ZFHX3: variants seen among roughly 807,000 people sequenced by gnomAD.
ZFHX3 encodes the protein zinc finger homeobox protein 3.
A neutral mutation model predicts 279.1 loss-of-function variants in ZFHX3; 42 were observed. That is an observed-to-expected ratio of 0.15 (90% CI 0.12 to 0.19). ZFHX3 has a LOEUF of 0.19. Ranked by LOEUF, ZFHX3 falls within the 10% of genes least tolerant of loss-of-function variation. The pLI is 1.00. For synonymous variants in ZFHX3, 2,293 were observed against 1,957.8 expected (o/e 1.17, Z -4.52); for missense variants, 4,981 against 4,754.0 (o/e 1.05, Z -1.40).
At chr16:73,593,226 C>A (rs757607019) in intron 2 of ZFHX3, among the ~76,000 whole-genome samples, 2 of 151,982 alleles carry the variant, frequency 1.3e-5, no homozygotes, top group Non-Finnish European at 2.9e-5. Flanking sequence ...ATTACTCAAA[C>A]TATTCTGAAG....
chr16:72,854,282 G>A (rs1360417515), intron 4 of ZFHX3, among the ~76,000 whole-genome samples: 4 of 152,158 alleles, frequency 2.6e-5, no homozygotes, highest in Non-Finnish European at 5.9e-5. Flanking sequence ...TTGAGGATTC[G>A]AGACAGTGGT....
At chr16:73,144,304 A>T (rs1158111424) in intron 5 of ZFHX3, 1 of 153,452 alleles carries the variant, frequency 6.5e-6, no homozygotes, top group East Asian at 1.9e-4. Context: ...ACTACTGAAC[A>T]CTTGCCTCGT....
chr16:73,109,555 GTATTTTTTT>G (rs1314101100), intron 7 of ZFHX3, among the ~76,000 whole-genome samples: 2 of 144,948 alleles, frequency 1.4e-5, no homozygotes, highest in Non-Finnish European at 3.1e-5. Context: ...GAAGCATTCC[GTATTTTTTT>G]TGTTTAAAAA....
intron 7 of ZFHX3, among the ~76,000 whole-genome samples, chr16:72,802,061 T>C (rs752637994): frequency 6.6e-6 from 1 of 152,016 alleles, no homozygotes; most frequent in Non-Finnish European, 1.5e-5. Context: ...TAAAATTATC[T>C]AACACCTCAG....
intron 1 of ZFHX3, among the ~76,000 whole-genome samples, chr16:73,027,656 T>G (rs1964560562): frequency 1.3e-5 from 2 of 152,008 alleles, no homozygotes; most frequent in Non-Finnish European, 2.9e-5. Flanking sequence ...CCCTCTATCC[T>G]CCCCACTGCC....
At chr16:73,376,319 C>T (rs888278095) in intron 3 of ZFHX3, among the ~76,000 whole-genome samples, 12 of 152,228 alleles carry the variant, frequency 7.9e-5, no homozygotes, top group South Asian at 4.1e-4. Flanking sequence ...AGGTCATTAC[C>T]GACTTGTTAC....
Position 72,785,949 on chromosome 16 carries a change from G to C in ZFHX3, c.*1215C>G, listed in dbSNP as rs1005677686. On this transcript the variant is annotated 3_prime_UTR_variant, in exon 10 of 10. Coordinates refer to ENST00000268489, the MANE Select transcript of ZFHX3 (RefSeq NM_006885.4). ...AAAAATAATCTGTGAGGATCCTAAT[G>C]ACCCCTAGAATCCCTTGAAATTCTT... 2 of 152,132 alleles carry C rather than the reference G, an allele frequency of 1.3e-5. No homozygotes were observed. Among genetic ancestry groups the C allele is most frequent in the Non-Finnish European group, 2.9e-5 (2 of 68,026 alleles). 9.4% of individuals were successfully genotyped at this position (152,132 alleles called of 1,614,324 possible). A position where few individuals can be genotyped will look rare whatever the true frequency, so the allele number is the denominator to read the frequency against.
chr16:73,878,775 T>C (rs2030039475), intron 1 of ZFHX3, among the ~76,000 whole-genome samples: 1 of 151,608 alleles, frequency 6.6e-6, no homozygotes, highest in Non-Finnish European at 1.5e-5. Context: ...AAAAATTAAG[T>C]CTTATTGGTT....
intron 4 of ZFHX3, among the ~76,000 whole-genome samples, chr16:72,868,492 G>T (rs55797313): frequency 0.33 from 49,615 of 151,996 alleles, 8,793 homozygotes; most frequent in South Asian, 0.49. Context: ...CTTCCACTGG[G>T]GAGCCAGTCT....
chr16:72,784,290 A>C lies in ZFHX3; in HGVS notation c.*2874T>G, dbSNP rs1262176943. Reference sequence around the variant, plus strand: ...AAAAACAAAAACAAAAACCCAAACCATCAGGGAGGGGGCAGCAAAATTATA... The same window carrying C: ...AAAAACAAAAACAAAAACCCAAACCCTCAGGGAGGGGGCAGCAAAATTATA... On this transcript the variant is annotated 3_prime_UTR_variant, in exon 10 of 10. Coordinates refer to ENST00000268489, the MANE Select transcript of ZFHX3 (RefSeq NM_006885.4). The C allele has an allele frequency of 6.6e-6, 1 of 152,046 alleles. No individual in the cohort carries two copies. The highest frequency in any genetic ancestry group is 1.5e-5 in the Non-Finnish European group (1 of 68,038). 9.4% of individuals were successfully genotyped at this position (152,046 alleles called of 1,614,324 possible). A position where few individuals can be genotyped will look rare whatever the true frequency, so the allele number is the denominator to read the frequency against.
At chr16:73,648,958 A>G (rs966795985) in intron 2 of ZFHX3, among the ~76,000 whole-genome samples, 20 of 152,326 alleles carry the variant, frequency 1.3e-4, no homozygotes, top group Admixed American at 6.5e-4. Context: ...TTTAAGTGCT[A>G]TGTTAAAAAG....
At chr16:72,814,453 C>T (rs2036548298) in intron 5 of ZFHX3, among the ~76,000 whole-genome samples, 1 of 152,192 alleles carries the variant, frequency 6.6e-6, no homozygotes, top group Non-Finnish European at 1.5e-5. Flanking sequence ...AAAGCAAACA[C>T]AGTAACCCAG....
rs115626580 is a variant in ZFHX3, at chr16:72,886,390, C to T, written c.3448+3341G>A. Among the ~76,000 whole-genome samples the T allele has an allele frequency of 6.3e-3, 951 of 151,870 alleles. 13 individuals are homozygous for T. Among genetic ancestry groups the T allele is most frequent in the African/African-American group, 0.022 (910 of 41,386 alleles). ...CCACTGAAGTTGCTCACACACTTCT[C>T]GGGGGAAAAACCCCTAGTATGCACT... On this transcript the variant is annotated intron_variant, in intron 4 of 9. Transcript: ENST00000268489.
intron 1 of ZFHX3, among the ~76,000 whole-genome samples, chr16:73,685,997 A>G (rs1433797801): frequency 3.9e-5 from 6 of 152,250 alleles, no homozygotes; most frequent in Non-Finnish European, 7.3e-5. Context: ...AGGCTTAAGC[A>G]AAATTAAACA....
intron 4 of ZFHX3, among the ~76,000 whole-genome samples, chr16:73,306,572 C>A (rs1407345343): frequency 1.3e-5 from 2 of 152,210 alleles, no homozygotes; most frequent in African/African-American, 4.8e-5. Flanking sequence ...ATCCACCTGC[C>A]TTGGCCTCCG....
chr16:73,601,299 CAAAA>C (rs1217744713), intron 2 of ZFHX3, among the ~76,000 whole-genome samples: 1 of 60,482 alleles, frequency 1.7e-5, no homozygotes. Flanking sequence ...ACTAAAAATA[CAAAA>C]AAAAAAAAAA....
intron 7 of ZFHX3, among the ~76,000 whole-genome samples, chr16:73,111,485 A>G (rs1266018032): frequency 6.6e-6 from 1 of 151,918 alleles, no homozygotes; most frequent in East Asian, 1.9e-4. Flanking sequence ...GCACCAACCC[A>G]TTCAGAAAGG....
At chr16:73,408,722 G>T (rs1369276052) in intron 3 of ZFHX3, among the ~76,000 whole-genome samples, 1 of 152,140 alleles carries the variant, frequency 6.6e-6, no homozygotes, top group Non-Finnish European at 1.5e-5. Flanking sequence ...GGCCCACAGG[G>T]TTGGGTCATT....
At chr16:73,143,840 G>C in intron 5 of ZFHX3, 1 of 1,258,080 alleles carries the variant, frequency 7.9e-7, no homozygotes, top group Non-Finnish European at 1.1e-6. Flanking sequence ...AGCTGAAGAA[G>C]AAAAGAAAGG....
Sources: gnomAD v4.1 joint callset for allele counts (sites outside exome capture counted in the v4.1 genomes callset) on GRCh38, gnomAD v4.1.1 for gene constraint, MANE v1.5 for transcripts, NCBI Gene and HGNC (gene_info 2026-07-23, HGNC 2026-07-21) for gene names.